Variants in PRDM11 observed in about 807,000 individuals in gnomAD.
The protein encoded by PRDM11 is PR/SET domain 11.
Under a neutral mutation model 97.8 loss-of-function variants are expected in PRDM11, and 20 were observed. That is an observed-to-expected ratio of 0.20 (90% CI 0.14 to 0.30). The LOEUF is 0.30. PRDM11 is among the 10% of genes least tolerant of loss of function. PRDM11 has a pLI of 1.00. For missense variants in PRDM11, 1,139 were observed against 1,555.2 expected, an observed-to-expected ratio of 0.73 and a Z score of 4.50; for synonymous variants, 599 against 637.7, an observed-to-expected ratio of 0.94 and a Z score of 0.91.
At position 45,171,525 on chromosome 11, in the gene PRDM11, T is replaced by G. The variant is rs552577200; in HGVS notation, c.-6-10236T>G. Among the ~76,000 whole-genome samples the G allele has an allele frequency of 3.9e-5, 6 of 152,246 alleles. No homozygotes were observed. The South Asian group carries it at 1.2e-3, about 32-fold the overall frequency. ...TGTCACTTCAGTGCAGATCTTGGGC[T>G]TAAGGGAGAGGGGTGGCTGGTGATG... is the stretch of plus-strand genomic sequence containing the variant. On this transcript the variant is annotated intron_variant, in intron 1 of 7. Transcript: ENST00000683152.
intron 4 of PRDM11, among the ~76,000 whole-genome samples, chr11:45,197,851 TCACA>T (rs1245167029): frequency 6.6e-6 from 1 of 151,802 alleles, no homozygotes; most frequent in Non-Finnish European, 1.5e-5. Context: ...GTGGGGAACA[TCACA>T]CACCAGGGCC....
At chr11:45,177,098 C>T (rs188913756) in intron 1 of PRDM11, among the ~76,000 whole-genome samples, 1 of 152,328 alleles carries the variant, frequency 6.6e-6, no homozygotes, top group Admixed American at 6.5e-5. Flanking sequence ...TCTCATGGTG[C>T]CAGCCTCTAG....
intron 1 of PRDM11, among the ~76,000 whole-genome samples, chr11:45,108,751 G>A (rs1026979719): frequency 3.3e-5 from 5 of 152,158 alleles, no homozygotes; most frequent in Non-Finnish European, 2.9e-5. Flanking sequence ...AGCTATGTGG[G>A]GACCCAGGCC....
intron 1 of PRDM11, among the ~76,000 whole-genome samples, chr11:45,133,350 C>A (rs10769120): frequency 2.0e-5 from 3 of 152,048 alleles, no homozygotes; most frequent in Non-Finnish European, 4.4e-5. Flanking sequence ...CTGGACCTCC[C>A]TGTTGCATTT....
rs1852339188 is a variant in PRDM11, at chr11:45,117,909, C to G, written c.96+22008C>G. On this transcript the variant is annotated intron_variant, in intron 1 of 6. Transcript: ENST00000530656. Reference sequence around the variant, plus strand: ...GACCAACACTAACTCAGCCAGGTCTCTAAGGCCAACATTAACAGTTATAGA... The same window carrying G: ...GACCAACACTAACTCAGCCAGGTCTGTAAGGCCAACATTAACAGTTATAGA... Among the ~76,000 whole-genome samples, 2 of 152,164 alleles carry G rather than the reference C, an allele frequency of 1.3e-5. 1 individual carries two copies. Among genetic ancestry groups the G allele is most frequent in the South Asian group, 4.1e-4 (2 of 4,836 alleles).
At chr11:45,113,817 TGTGTGTG>T (rs1852239978) in intron 1 of PRDM11, among the ~76,000 whole-genome samples, 1 of 130,494 alleles carries the variant, frequency 7.7e-6, no homozygotes, top group Non-Finnish European at 1.6e-5. Context: ...TGTGTGTGTG[TGTGTGTG>T]TTTTGTTTTT....
intron 1 of PRDM11, among the ~76,000 whole-genome samples, chr11:45,177,073 G>A (rs547890210): frequency 5.3e-5 from 8 of 152,228 alleles, no homozygotes; most frequent in Non-Finnish European, 1.0e-4. Context: ...AGGTACCAGA[G>A]TAAACCTTCT....
At position 45,212,776 on chromosome 11, in the gene PRDM11, C is replaced by T. The variant is rs1300712584; in HGVS notation, c.555-6794C>T. 2.6e-5 allele frequency: 12 copies of T among 456,352 alleles called. No individual in the cohort carries two copies. In the East Asian group the frequency reaches 4.9e-4, roughly 19 times the overall value. The allele number at this position is 456,352 out of a possible 1,614,324, so 28.3% of individuals were successfully genotyped here. Reference sequence around the variant, plus strand: ...GGCAGTTCTGCCAGGAGCTGGTGACCGTGCACCGGGACATGGCCAACAGCA... The same window carrying T: ...GGCAGTTCTGCCAGGAGCTGGTGACTGTGCACCGGGACATGGCCAACAGCA... On this transcript the variant is annotated intron_variant, in intron 5 of 7. Coordinates refer to ENST00000683152, the MANE Select transcript of PRDM11 (RefSeq NM_001384648.1).
intron 1 of PRDM11, among the ~76,000 whole-genome samples, chr11:45,177,628 G>A (rs968159237): frequency 6.6e-6 from 1 of 152,198 alleles, no homozygotes; most frequent in Non-Finnish European, 1.5e-5. Context: ...CCACTTGAGA[G>A]TTGGAATGCA....
chr11:45,159,845 T>TATCCCTGAAGC (rs1297473830), intron 1 of PRDM11, among the ~76,000 whole-genome samples: 2 of 152,198 alleles, frequency 1.3e-5, no homozygotes, highest in East Asian at 3.8e-4. Flanking sequence ...ACACAGCCTT[T>TATCCCTGAAGC]ATCCCTGAAG....
At chr11:45,143,132 G>A (rs546828532), upstream of PRDM11, among the ~76,000 whole-genome samples, 2 of 152,304 alleles carry the variant, frequency 1.3e-5, no homozygotes, top group African/African-American at 4.8e-5. Flanking sequence ...GTGTGTTTCA[G>A]TCTTAGTTTT....
At chr11:45,182,425 C>A in intron 3 of PRDM11, 76 bp downstream of exon 3, 2 of 1,340,080 alleles carry the variant, frequency 1.5e-6, no homozygotes, top group Non-Finnish European at 2.1e-6. Context: ...GAATTCACAA[C>A]AATGCTACTA....
chr11:45,119,397 T>C (rs1472154473), intron 1 of PRDM11, among the ~76,000 whole-genome samples: 1 of 151,554 alleles, frequency 6.6e-6, no homozygotes, highest in Non-Finnish European at 1.5e-5. Context: ...GGAGGCCGAG[T>C]TGGGCGGATC....
intron 1 of PRDM11, among the ~76,000 whole-genome samples, chr11:45,097,799 C>T (rs532382689): frequency 2.6e-5 from 4 of 152,208 alleles, no homozygotes; most frequent in African/African-American, 9.6e-5. Flanking sequence ...TCTCTTCAGT[C>T]CACATCTCTG....
At chr11:45,198,901 A>G (rs1025380170) in intron 4 of PRDM11, among the ~76,000 whole-genome samples, 2 of 152,198 alleles carry the variant, frequency 1.3e-5, no homozygotes, top group Non-Finnish European at 2.9e-5. Context: ...CCCGTGTGGA[A>G]AATTCCTTTG....
At chr11:45,153,831 A>G (rs1244341695) in intron 1 of PRDM11, among the ~76,000 whole-genome samples, 4 of 152,180 alleles carry the variant, frequency 2.6e-5, no homozygotes, top group African/African-American at 7.2e-5. Context: ...CCTAGAAGGA[A>G]CATGTATGGA....
intron 1 of PRDM11, among the ~76,000 whole-genome samples, chr11:45,103,222 C>A (rs1852008571): frequency 6.6e-6 from 1 of 152,220 alleles, no homozygotes; most frequent in African/African-American, 2.4e-5. Flanking sequence ...ACCCTGACCA[C>A]CCCGCCGGGC....
chr11:45,158,485 A>G (rs1219359385), intron 1 of PRDM11, among the ~76,000 whole-genome samples: 1 of 152,210 alleles, frequency 6.6e-6, no homozygotes, highest in African/African-American at 2.4e-5. Flanking sequence ...CTGGGCAGGC[A>G]TTCTTCTCTG....
chr11:45,168,472 C>T (rs1247333190), intron 1 of PRDM11, among the ~76,000 whole-genome samples: 3 of 152,292 alleles, frequency 2.0e-5, no homozygotes, highest in East Asian at 3.9e-4. Context: ...GGGCTGCCTG[C>T]GCCGAGTGGC....
Sources: gnomAD v4.1 joint callset for allele counts (sites outside exome capture counted in the v4.1 genomes callset) on GRCh38, gnomAD v4.1.1 for gene constraint, MANE v1.5 for transcripts, NCBI Gene and HGNC (gene_info 2026-07-23, HGNC 2026-07-21) for gene names.